Variants in CSMD1 observed in about 807,000 individuals in gnomAD.
CSMD1 encodes the protein CUB and Sushi multiple domains 1.
In CSMD1, 213 loss-of-function variants were observed where a neutral mutation model predicts 417.5. The ratio of observed to expected loss-of-function variants is 0.51; its 90% CI spans 0.46 to 0.57. The LOEUF is 0.57. CSMD1 is among the 20% of genes least tolerant of loss of function. The pLI, the probability that CSMD1 is intolerant of heterozygous loss-of-function variation, is 0.00. For synonymous variants in CSMD1, 2,862 were observed against 1,736.8 expected (o/e 1.65, Z -16.11); for missense variants, 6,923 against 4,529.7 (o/e 1.53, Z -15.17).
intron 1 of CSMD1, among the ~76,000 whole-genome samples, chr8:4,641,505 T>A (rs1585377942): frequency 6.6e-6 from 1 of 152,174 alleles, no homozygotes; most frequent in Non-Finnish European, 1.5e-5. Flanking sequence ...TCACATATAC[T>A]CTTTGTTGAC....
intron 6 of CSMD1, among the ~76,000 whole-genome samples, chr8:3,729,397 T>A (rs568423436): frequency 4.2e-4 from 64 of 152,330 alleles, no homozygotes; most frequent in African/African-American, 1.5e-3. Flanking sequence ...GCTCAGTCAG[T>A]TCTTAGGCAC....
chr8:3,706,159 G>A (rs1452773494), intron 7 of CSMD1, among the ~76,000 whole-genome samples: 2 of 152,220 alleles, frequency 1.3e-5, no homozygotes, highest in Middle Eastern at 6.3e-3. Flanking sequence ...AGGCTCCTAA[G>A]GTGAACAGAA....
intron 5 of CSMD1, among the ~76,000 whole-genome samples, chr8:3,906,244 G>A (rs1221252258): frequency 6.6e-6 from 1 of 151,942 alleles, no homozygotes; most frequent in East Asian, 1.9e-4. Flanking sequence ...CCATAGCATT[G>A]CATTAAGTTA....
At chr8:3,647,602 C>G (rs995056090) in intron 7 of CSMD1, among the ~76,000 whole-genome samples, 1 of 152,156 alleles carries the variant, frequency 6.6e-6, no homozygotes, top group African/African-American at 2.4e-5. Context: ...GTTGGAACCA[C>G]TGGCAACATT....
intron 1 of CSMD1, among the ~76,000 whole-genome samples, chr8:4,897,790 G>C (rs959260292): frequency 2.0e-5 from 3 of 152,088 alleles, no homozygotes; most frequent in African/African-American, 7.3e-5. Context: ...TTATATGCCA[G>C]TAGATGATAC....
chr8:4,894,454 G>A (rs1257989035), intron 1 of CSMD1, among the ~76,000 whole-genome samples: 1 of 151,704 alleles, frequency 6.6e-6, no homozygotes, highest in African/African-American at 2.4e-5. Context: ...TTGGGAGGCT[G>A]AGGCAGGAGA....
chr8:4,408,091 C>T (rs995557237), intron 3 of CSMD1, among the ~76,000 whole-genome samples: 1 of 152,112 alleles, frequency 6.6e-6, no homozygotes, highest in African/African-American at 2.4e-5. Flanking sequence ...AAGCATGCTT[C>T]ACAAAAAGTT....
At position 3,906,580 on chromosome 8, in the gene CSMD1, G is replaced by A. The variant is rs111463740; in HGVS notation, c.818+91323C>T. On this transcript the variant is annotated intron_variant, in intron 5 of 69. Coordinates refer to ENST00000635120, the MANE Select transcript of CSMD1 (RefSeq NM_033225.6). ...AATATAAGCTGTACCATGAGGTGTG[G>A]GATATCATCATAAAAGGTAATACTC... 2.7e-3 allele frequency among the ~76,000 whole-genome samples: 414 copies of A among 151,366 alleles called. 1 individual carries two copies. The highest frequency in any genetic ancestry group is 9.4e-3 in the African/African-American group (387 of 41,242).
chr8:3,436,268 G>A (rs746157653), intron 12 of CSMD1, among the ~76,000 whole-genome samples: 16 of 152,218 alleles, frequency 1.1e-4, no homozygotes, highest in East Asian at 1.9e-4. Flanking sequence ...TCTTACCAAC[G>A]CGATAGTAAG....
At chr8:3,946,788 C>T (rs189080631) in intron 5 of CSMD1, among the ~76,000 whole-genome samples, 133 of 152,224 alleles carry the variant, frequency 8.7e-4, no homozygotes, top group African/African-American at 2.9e-3. Flanking sequence ...CATGTATCTT[C>T]TTAAATTTAT....
chr8:3,784,764 C>G (rs983009375), intron 5 of CSMD1, among the ~76,000 whole-genome samples: 4 of 152,152 alleles, frequency 2.6e-5, no homozygotes, highest in African/African-American at 9.7e-5. Context: ...AAATAAGATA[C>G]AATTAGCAAT....
intron 6 of CSMD1, among the ~76,000 whole-genome samples, chr8:3,711,715 G>C (rs969693523): frequency 2.0e-5 from 3 of 152,124 alleles, no homozygotes; most frequent in East Asian, 1.9e-4. Context: ...CTCTCCCCAG[G>C]ATAATGCTTT....
intron 6 of CSMD1, among the ~76,000 whole-genome samples, chr8:3,708,857 G>A (rs1478282831): frequency 6.6e-6 from 1 of 152,136 alleles, no homozygotes; most frequent in African/African-American, 2.4e-5. Context: ...TGACTACAGA[G>A]TTGTCTAAGT....
At chr8:4,049,114 C>A (rs534077603) in intron 3 of CSMD1, among the ~76,000 whole-genome samples, 1 of 152,100 alleles carries the variant, frequency 6.6e-6, no homozygotes, top group South Asian at 2.1e-4. Flanking sequence ...TCTCCACATT[C>A]TTTTATTTTT....
At chr8:4,649,943 C>G (rs1157097735) in intron 1 of CSMD1, among the ~76,000 whole-genome samples, 1 of 152,130 alleles carries the variant, frequency 6.6e-6, no homozygotes, top group African/African-American at 2.4e-5. Flanking sequence ...CTGCACAACT[C>G]CACAGAGTGT....
intron 7 of CSMD1, among the ~76,000 whole-genome samples, chr8:3,658,706 G>T (rs1367861282): frequency 6.6e-6 from 1 of 151,894 alleles, no homozygotes; most frequent in African/African-American, 2.4e-5. Flanking sequence ...ACACTTGAAC[G>T]CAGGAGGCTA....
intron 3 of CSMD1, among the ~76,000 whole-genome samples, chr8:4,360,095 A>T (rs368575933): frequency 1.3e-5 from 2 of 152,130 alleles, no homozygotes; most frequent in Non-Finnish European, 2.9e-5. Context: ...GTTACTTAAC[A>T]TATCTGTATG....
Position 4,311,602 on chromosome 8 carries a change from A to C in CSMD1, c.415+108351T>G, listed in dbSNP as rs556853913. Among the ~76,000 whole-genome samples the C allele has an allele frequency of 1.3e-3, 205 of 151,984 alleles. 1 individual carries two copies. The highest frequency in any genetic ancestry group is 4.8e-3 in the African/African-American group (200 of 41,472). On this transcript the variant is annotated intron_variant, in intron 3 of 69. Coordinates refer to ENST00000635120, the MANE Select transcript of CSMD1 (RefSeq NM_033225.6). ...GCCAGGTGTGGTTGTGGGCGCCTGT[A>C]GTCCCAGCTACTTGGGAAGCTTAGA...
At chr8:4,219,968 G>T (rs75566263) in intron 3 of CSMD1, among the ~76,000 whole-genome samples, 2 of 151,244 alleles carry the variant, frequency 1.3e-5, no homozygotes, top group African/African-American at 4.9e-5. Context: ...CTTTTTTTTT[G>T]AAATGGAGTC....
Sources: allele counts gnomAD v4.1 joint callset (sites outside exome capture counted in the v4.1 genomes callset), GRCh38; gene constraint gnomAD v4.1.1; transcripts MANE v1.5; gene names NCBI Gene and HGNC (gene_info 2026-07-23, HGNC 2026-07-21).